DLGAP2: variants seen among roughly 807,000 people sequenced by gnomAD.
The protein encoded by DLGAP2 is disks large-associated protein 2.
In DLGAP2, 26 loss-of-function variants were observed where a neutral mutation model predicts 100.3. The observed-to-expected ratio is 0.26, with a 90% CI of 0.19 to 0.36. The LOEUF is 0.36. Among genes scored for constraint, DLGAP2 ranks in the 10% least tolerant of loss-of-function variants. The pLI, the probability that DLGAP2 is intolerant of heterozygous loss-of-function variation, is 1.00. For missense variants in DLGAP2, 1,858 were observed against 1,453.2 expected (o/e 1.28, Z -4.53); for synonymous variants, 886 against 630.1 (o/e 1.41, Z -6.08).
intron 3 of DLGAP2, among the ~76,000 whole-genome samples, chr8:1,289,254 A>G (rs1428920990): frequency 6.6e-6 from 1 of 152,240 alleles, no homozygotes; most frequent in East Asian, 1.9e-4. Context: ...TGGATCAGTA[A>G]GTTTGCTATA....
At chr8:1,508,781 C>CA (rs937920193) in intron 4 of DLGAP2, among the ~76,000 whole-genome samples, 1 of 151,504 alleles carries the variant, frequency 6.6e-6, no homozygotes, top group African/African-American at 2.4e-5. Flanking sequence ...ACCGAGCAGG[C>CA]AAATGAGTGC....
chr8:1,279,272 C>G (rs546647959), intron 3 of DLGAP2, among the ~76,000 whole-genome samples: 38 of 152,146 alleles, frequency 2.5e-4, no homozygotes, highest in Non-Finnish European at 4.7e-4. Context: ...GTTCTTGATT[C>G]TATGTTCTAG....
chr8:1,472,271 C>T (rs537389536), intron 3 of DLGAP2, among the ~76,000 whole-genome samples: 21 of 152,268 alleles, frequency 1.4e-4, no homozygotes, highest in Admixed American at 2.6e-4. Context: ...GGCTGTGCAC[C>T]AGATGCAGGG....
At chr8:749,499 T>G (rs1285111202) in intron 1 of DLGAP2, among the ~76,000 whole-genome samples, 1 of 152,234 alleles carries the variant, frequency 6.6e-6, no homozygotes, top group Non-Finnish European at 1.5e-5. Context: ...AATTTGCCTG[T>G]ATATTCAAAA....
intron 2 of DLGAP2, among the ~76,000 whole-genome samples, chr8:1,039,406 T>G (rs949987262): frequency 3.4e-4 from 48 of 139,744 alleles, no homozygotes; most frequent in Admixed American, 1.0e-3. Context: ...TAAGCTTGGT[T>G]TCTGTGGTCA....
At chr8:1,287,431 G>C (rs550119936) in intron 3 of DLGAP2, among the ~76,000 whole-genome samples, 1 of 137,510 alleles carries the variant, frequency 7.3e-6, no homozygotes, top group East Asian at 2.3e-4. Context: ...GCGTGTGTGT[G>C]TGTGTGTGGT....
intron 2 of DLGAP2, among the ~76,000 whole-genome samples, chr8:1,004,616 C>T (rs1801053387): frequency 1.3e-5 from 2 of 152,212 alleles, no homozygotes; most frequent in African/African-American, 2.4e-5. Context: ...GTGTCCACAG[C>T]TCGCACACTG....
At position 1,483,713 on chromosome 8, in the gene DLGAP2, G is replaced by A. The variant is rs1001423863; in HGVS notation, c.107-17653G>A. On this transcript the variant is annotated intron_variant, in intron 3 of 14. Coordinates refer to ENST00000637795, the MANE Select transcript of DLGAP2 (RefSeq NM_001346810.2). Reference sequence around the variant, plus strand: ...GGGACCAGGGAGGCAGGTGCAGGACGTGGGGACCAGGAAGGCAGGTGCAGA... The same window carrying A: ...GGGACCAGGGAGGCAGGTGCAGGACATGGGGACCAGGAAGGCAGGTGCAGA... 2.6e-5 allele frequency among the ~76,000 whole-genome samples: 4 copies of A among 151,096 alleles called. 1 individual carries two copies. Among genetic ancestry groups the A allele is most frequent in the South Asian group, 4.2e-4 (2 of 4,758 alleles).
At chr8:1,630,871 C>T (rs1057293103) in intron 7 of DLGAP2, among the ~76,000 whole-genome samples, 8 of 151,790 alleles carry the variant, frequency 5.3e-5, no homozygotes, top group Non-Finnish European at 1.2e-4. Flanking sequence ...CAGCTCATGT[C>T]CCGAGGGTCT....
intron 1 of DLGAP2, among the ~76,000 whole-genome samples, chr8:785,277 G>T (rs189685646): frequency 7.2e-6 from 1 of 138,094 alleles, no homozygotes; most frequent in Admixed American, 7.4e-5. Context: ...CTTCAGATGC[G>T]CCGGATCCTG....
At chr8:1,307,480 C>G (rs547289125) in intron 3 of DLGAP2, among the ~76,000 whole-genome samples, 1 of 152,286 alleles carries the variant, frequency 6.6e-6, no homozygotes, top group Admixed American at 6.5e-5. Flanking sequence ...AAAAAATAAA[C>G]ATGGAATTTT....
chr8:994,587 C>A (rs1800734199), intron 2 of DLGAP2, among the ~76,000 whole-genome samples: 1 of 152,162 alleles, frequency 6.6e-6, no homozygotes, highest in Admixed American at 6.5e-5. Flanking sequence ...TAATTCTGCA[C>A]CTGTGCTGCT....
intron 6 of DLGAP2, among the ~76,000 whole-genome samples, chr8:1,625,855 C>T (rs1270448675): frequency 6.6e-6 from 1 of 152,226 alleles, no homozygotes; most frequent in East Asian, 1.9e-4. Context: ...AAATATGAAT[C>T]TCAGAATATT....
chr8:772,099 C>T (rs927710488), intron 1 of DLGAP2, among the ~76,000 whole-genome samples: 4 of 152,078 alleles, frequency 2.6e-5, no homozygotes, highest in African/African-American at 9.7e-5. Context: ...CAAGGTCTTG[C>T]TCTGTTGCCC....
chr8:1,522,156 G>T (rs1448742612), intron 4 of DLGAP2, among the ~76,000 whole-genome samples: 1 of 152,320 alleles, frequency 6.6e-6, no homozygotes, highest in Admixed American at 6.5e-5. Flanking sequence ...AGCATCTTTG[G>T]TTTCCACGCT....
chr8:1,678,288 G>C lies in DLGAP2; in HGVS notation c.2363G>C (p.Gly788Ala). The change falls in exon 12 of 15, where the codon GGC becomes GCC. Residue 788 changes from glycine to alanine, a missense_variant. Transcript: ENST00000637795. ...QADLELEGFP[G>A]HITTEDKGLQ... ...GACCTGGAGCTGGAGGGGTTCCCAG[G>C]CCACATCACCACGGAGGACAAAGGC... The C allele has an allele frequency of 6.2e-7, 1 of 1,613,562 alleles. No homozygotes were observed. Among genetic ancestry groups the C allele is most frequent in the Non-Finnish European group, 8.5e-7 (1 of 1,179,716 alleles).
At chr8:1,234,485 C>G (rs143230509) in intron 2 of DLGAP2, among the ~76,000 whole-genome samples, 2 of 152,296 alleles carry the variant, frequency 1.3e-5, no homozygotes, top group African/African-American at 4.8e-5. Flanking sequence ...CAGGGCCTGT[C>G]TCCCCAGGAT....
intron 6 of DLGAP2, among the ~76,000 whole-genome samples, chr8:1,614,671 C>T (rs941522668): frequency 2.0e-5 from 3 of 152,374 alleles, no homozygotes; most frequent in South Asian, 2.1e-4. Flanking sequence ...ACTACAGCAG[C>T]AGAACTGATA....
At chr8:1,392,657 G>C (rs1796393173) in intron 3 of DLGAP2, among the ~76,000 whole-genome samples, 1 of 152,216 alleles carries the variant, frequency 6.6e-6, no homozygotes, top group South Asian at 2.1e-4. Flanking sequence ...CCGTGGGCCT[G>C]GGCCTCCATG....
Sources: allele counts gnomAD v4.1 joint callset (sites outside exome capture counted in the v4.1 genomes callset), GRCh38; gene constraint gnomAD v4.1.1; transcripts MANE v1.5; gene names NCBI Gene and HGNC (gene_info 2026-07-23, HGNC 2026-07-21).